Variants in ZNF227 observed in about 807,000 individuals in gnomAD.
ZNF227 encodes zinc finger protein 227.
A neutral mutation model predicts 13.2 loss-of-function variants in ZNF227; 12 were observed. The ratio of observed to expected loss-of-function variants is 0.91; its 90% CI spans 0.58 to 1.47. The LOEUF (loss-of-function observed/expected upper bound fraction) is 1.47, where lower values mean the gene tolerates loss of function less well. Ranked by LOEUF, ZNF227 falls within the 40% of genes most tolerant of loss-of-function variation. ZNF227 has a pLI of 0.00. For synonymous variants in ZNF227, 338 were observed against 326.0 expected, an observed-to-expected ratio of 1.04 and a Z score of -0.40; for missense variants, 885 against 967.5, an observed-to-expected ratio of 0.91 and a Z score of 1.13.
chr19:44,216,739 G>A (rs558821157), intron 2 of ZNF227, among the ~76,000 whole-genome samples: 62 of 152,182 alleles, frequency 4.1e-4, no homozygotes, highest in Middle Eastern at 3.4e-3. Context: ...AAATAAAAGA[G>A]ATGTACCAAT....
intron 5 of ZNF227, among the ~76,000 whole-genome samples, chr19:44,233,887 G>A (rs1409406058): frequency 2.0e-5 from 3 of 151,454 alleles, no homozygotes; most frequent in African/African-American, 4.8e-5. Flanking sequence ...AGAGCGAGAC[G>A]CTGTTTTTTA....
rs771247061 is a variant in ZNF227, at chr19:44,236,780, C to T, written c.2350C>T (p.Arg784Cys). The T allele has an allele frequency of 1.3e-5, 21 of 1,606,998 alleles. No homozygotes were observed. In the East Asian group the frequency reaches 2.7e-4, roughly 21 times the overall value. ...CATATGTGATAAGGACTTCCGTCAC[C>T]GTTCACGTCTTACATATCATCAGAA... ...CDICDKDFRH[R>C]SRLTYHQKVH... The change falls in exon 6 of 6, where the codon CGT becomes TGT. Residue 784 changes from arginine (R) to cysteine (C), a missense_variant. Physicochemically the swap from Arg to Cys is radical, Grantham distance 180 (BLOSUM62 -3). Coordinates refer to ENST00000313040, the MANE Select transcript of ZNF227 (RefSeq NM_182490.3).
chr19:44,217,630 A>C, intron 2 of ZNF227, 161 bp from the exon 3 acceptor site: 1 of 823,532 alleles, frequency 1.2e-6, no homozygotes, highest in Non-Finnish European at 2.1e-6. Flanking sequence ...ATGGCACTGA[A>C]CTATCATGCC....
chr19:44,211,896 T>C (rs1326526658), upstream of ZNF227, among the ~76,000 whole-genome samples: 7 of 136,932 alleles, frequency 5.1e-5, no homozygotes, highest in Admixed American at 5.1e-4. Context: ...TAGTTTTTTT[T>C]TTCTTTTTTT....
chr19:44,219,381 C>T (rs916114260), intron 3 of ZNF227, among the ~76,000 whole-genome samples: 1 of 152,074 alleles, frequency 6.6e-6, no homozygotes, highest in African/African-American at 2.4e-5. Flanking sequence ...AGCAGCAAAC[C>T]GGTGGCATAT....
chr19:44,230,699 T>C lies in ZNF227; in HGVS notation c.271+883T>C, dbSNP rs1420483900. On this transcript the variant is annotated intron_variant, in intron 5 of 5. Transcript: ENST00000313040. ...ATTTAAAATACCATCTTCCTTCCAT[T>C]TTCCATCCCCTTACCTTTCCTTTCT... is the stretch of plus-strand genomic sequence containing the variant. Among the ~76,000 whole-genome samples, 5 of 151,908 alleles carry C rather than the reference T, an allele frequency of 3.3e-5. No homozygotes were observed. In the South Asian group the frequency reaches 1.0e-3, roughly 32 times the overall value.
At chr19:44,233,714 G>A (rs1974105828) in intron 5 of ZNF227, among the ~76,000 whole-genome samples, 1 of 152,114 alleles carries the variant, frequency 6.6e-6, no homozygotes, top group African/African-American at 2.4e-5. Context: ...TGGCCAACAT[G>A]GCAAAACCCC....
At position 44,235,984 on chromosome 19, in the gene ZNF227, A is replaced by C. The variant is rs144913617; in HGVS notation, c.1554A>C (p.Lys518Asn). 498 of 1,612,830 alleles carry C rather than the reference A, an allele frequency of 3.1e-4. No homozygotes were observed. Among genetic ancestry groups the C allele is most frequent in the Non-Finnish European group, 4.1e-4 (484 of 1,179,734 alleles). The change falls in exon 6 of 6, where the codon AAA becomes AAC. Residue 518 changes from lysine to asparagine, a missense_variant. Transcript: ENST00000313040. ...ATCAGAATGTCCACACTGGGGAGAAACGATTCAAGTGTGAAACGTGTGGGA... is the reference window on the plus strand; with the variant it reads ...ATCAGAATGTCCACACTGGGGAGAACCGATTCAAGTGTGAAACGTGTGGGA... The part of the protein sequence containing the change: ...QVHQNVHTGE[K>N]RFKCETCGKG...
chr19:44,234,424 C>T (rs781406771), intron 5 of ZNF227, among the ~76,000 whole-genome samples: 8 of 152,192 alleles, frequency 5.3e-5, no homozygotes, highest in Non-Finnish European at 1.2e-4. Flanking sequence ...CCTGCAGCTA[C>T]CTGATTTTAG....
intron 4 of ZNF227, chr19:44,228,973 A>G (rs560352095): frequency 3.1e-4 from 77 of 249,190 alleles, no homozygotes; most frequent in Non-Finnish European, 4.8e-4. Flanking sequence ...CCTGTTTTAA[A>G]TGAACCGTAA....
At chr19:44,228,087 C>G (rs569132234) in intron 3 of ZNF227, 1 of 164,038 alleles carries the variant, frequency 6.1e-6, no homozygotes, top group South Asian at 1.7e-4. Flanking sequence ...AAAAATTAGC[C>G]GGGCATGGTA....
At position 44,234,701 on chromosome 19, in the gene ZNF227, G is replaced by T; in HGVS notation, c.272-1G>T. 6.4e-7 allele frequency: 1 copy of T among 1,572,512 alleles called. No individual in the cohort carries two copies. Among genetic ancestry groups the T allele is most frequent in the Non-Finnish European group, 8.6e-7 (1 of 1,166,032 alleles). The stretch of plus-strand genomic sequence containing the variant: ...ATATTGCCTTTTTTCTTTTTTAATA[G>T]GCAGCAAGCATCAAAATAAGATGGA... On this transcript the variant is annotated splice_acceptor_variant, in intron 5 of 5. Coordinates refer to ENST00000313040, the MANE Select transcript of ZNF227 (RefSeq NM_182490.3). LOFTEE classifies it high-confidence loss of function.
chr19:44,219,035 G>A (rs1291428413), intron 3 of ZNF227, among the ~76,000 whole-genome samples: 1 of 152,198 alleles, frequency 6.6e-6, no homozygotes, highest in African/African-American at 2.4e-5. Context: ...TTACAGGCAT[G>A]TACCAGCACG....
chr19:44,237,056 G>C lies in ZNF227; in HGVS notation c.*226G>C, dbSNP rs1974585195. 3 of 453,600 alleles carry C rather than the reference G, an allele frequency of 6.6e-6. No individual in the cohort carries two copies. Among genetic ancestry groups the C allele is most frequent in the Non-Finnish European group, 1.2e-5 (3 of 258,120 alleles). The allele number at this position is 453,600 out of a possible 1,614,324, so 28.1% of individuals were successfully genotyped here. A position where few individuals can be genotyped will look rare whatever the true frequency, so the allele number is the denominator to read the frequency against. ...CTGGTGGCTCTCTTGGTAAGATCTA[G>C]TTAATATAAATGATCACCTTTCATT... On this transcript the variant is annotated 3_prime_UTR_variant, in exon 6 of 6. Transcript: ENST00000313040.
upstream of ZNF227, among the ~76,000 whole-genome samples, chr19:44,208,682 G>C (rs192365834): frequency 1.3e-5 from 2 of 152,182 alleles, no homozygotes; most frequent in Admixed American, 6.5e-5. Flanking sequence ...AACCCAAGAA[G>C]TTGGAGCCTC....
chr19:44,223,797 CT>C (rs1342638488), intron 3 of ZNF227, among the ~76,000 whole-genome samples: 7 of 151,684 alleles, frequency 4.6e-5, no homozygotes, highest in African/African-American at 1.5e-4. Flanking sequence ...TATTTCTTGC[CT>C]TCTGCTAGCT....
chr19:44,231,519 G>A (rs1223917161), intron 5 of ZNF227, among the ~76,000 whole-genome samples: 2 of 152,116 alleles, frequency 1.3e-5, no homozygotes, highest in South Asian at 2.1e-4. Flanking sequence ...TTTTAGTAGA[G>A]ATGGGGTTTC....
intron 3 of ZNF227, among the ~76,000 whole-genome samples, chr19:44,221,938 T>A (rs1376937818): frequency 1.3e-5 from 2 of 152,224 alleles, no homozygotes; most frequent in Non-Finnish European, 2.9e-5. Context: ...TTAATTTTTG[T>A]ATAAAGTGTA....
intron 2 of ZNF227, chr19:44,217,460 A>C (rs990131133): frequency 1.9e-6 from 1 of 533,212 alleles, no homozygotes; most frequent in African/African-American, 1.9e-5. Flanking sequence ...AATATCCCCA[A>C]GGTTACACAG....
Sources: allele counts gnomAD v4.1 joint callset (sites outside exome capture counted in the v4.1 genomes callset), GRCh38; gene constraint gnomAD v4.1.1; transcripts MANE v1.5; gene names NCBI Gene and HGNC (gene_info 2026-07-23, HGNC 2026-07-21).